The following SEPTIN7 variants were observed in gnomAD, a reference collection of about 807,000 sequenced individuals.
SEPTIN7 encodes septin 7, also known as septin-7.
SEPTIN7 carries 10 observed loss-of-function variants against 63.3 expected under a neutral mutation model. The observed-to-expected ratio is 0.16, with a 90% CI of 0.10 to 0.27. SEPTIN7 has a LOEUF of 0.27. Ranked by LOEUF, SEPTIN7 falls within the 10% of genes least tolerant of loss-of-function variation. The pLI, the probability that SEPTIN7 is intolerant of heterozygous loss-of-function variation, is 1.00. For synonymous variants in SEPTIN7, 131 were observed against 165.3 expected (o/e 0.79, Z 1.59); for missense variants, 310 against 521.0 (o/e 0.59, Z 3.94).
At chr7:35,827,103 A>T (rs1783554650) in intron 1 of SEPTIN7, among the ~76,000 whole-genome samples, 2 of 152,210 alleles carry the variant, frequency 1.3e-5, no homozygotes, top group Admixed American at 1.3e-4. Flanking sequence ...TGCTTTTAAC[A>T]TACAGATTTA....
chr7:35,832,126 T>TA (rs777293128), intron 2 of SEPTIN7: 80 of 453,962 alleles, frequency 1.8e-4, no homozygotes, highest in South Asian at 1.1e-3. Flanking sequence ...CATCTAGGAA[T>TA]AAAAAACCAA....
chr7:35,859,788 A>G (rs1385915636), intron 3 of SEPTIN7, among the ~76,000 whole-genome samples: 3 of 152,168 alleles, frequency 2.0e-5, no homozygotes, highest in East Asian at 3.8e-4. Flanking sequence ...TTTGTCTGAT[A>G]TTAGTGTGGC....
intron 4 of SEPTIN7, 76 bp from the exon 5 acceptor site, chr7:35,872,590 G>A (rs1178848540): frequency 1.3e-5 from 14 of 1,085,128 alleles, no homozygotes; most frequent in Non-Finnish European, 1.8e-5. Flanking sequence ...AAACTCGAAC[G>A]TCCCTACCAT....
chr7:35,898,248 G>A lies in SEPTIN7; in HGVS notation c.999G>A (p.Lys333=). Residue 333 remains lysine, a splice_region_variant and synonymous_variant, in exon 12 of 14, where the codon AAG becomes AAA. Transcript: ENST00000350320. ...TGATTACCCTTAATATTCGTGACAG[G>A]AGCCCTCTGGCACAAATGGAAGAAG... The part of the protein sequence containing the change: ...DNNKNKGQLT[K]SPLAQMEEER... 6.5e-7 allele frequency: 1 copy of A among 1,536,348 alleles called. No homozygotes were observed.
At chr7:35,838,210 A>G (rs1784175808) in intron 3 of SEPTIN7, among the ~76,000 whole-genome samples, 1 of 147,942 alleles carries the variant, frequency 6.8e-6, no homozygotes, top group African/African-American at 2.5e-5. Flanking sequence ...TGTGTTTTCT[A>G]TTAGCTTGAT....
At chr7:35,850,099 A>G (rs1449735362) in intron 3 of SEPTIN7, among the ~76,000 whole-genome samples, 1 of 152,244 alleles carries the variant, frequency 6.6e-6, no homozygotes, top group African/African-American at 2.4e-5. Flanking sequence ...GTATTCTTGG[A>G]AACACTTGCC....
At chr7:35,835,604 G>A (rs551269629) in intron 3 of SEPTIN7, among the ~76,000 whole-genome samples, 17 of 152,216 alleles carry the variant, frequency 1.1e-4, no homozygotes, top group African/African-American at 4.1e-4. Flanking sequence ...GTATAGTGCA[G>A]TGTTTATAAG....
Position 35,872,747 on chromosome 7 carries a change from G to C in SEPTIN7, c.358G>C (p.Ala120Pro). The change falls in exon 5 of 14, where the codon GCA (alanine) becomes CCA (proline). Residue 120 changes from alanine to proline, a missense_variant. Ala to Pro is a conservative substitution (Grantham distance 27). This residue lies in a region of SEPTIN7 where 255 missense variants were observed against 490.5 expected (regional missense o/e 0.52). Transcript: ENST00000350320. ...AGTTGATACCCCAGGATTTGGAGAT[G>C]CAGTGGATAATAGTAATTGGTAAGA... ...TIVDTPGFGD[A>P]VDNSNCWQPV... 6.2e-7 allele frequency: 1 copy of C among 1,610,138 alleles called. No homozygotes were observed. Among genetic ancestry groups the C allele is most frequent in the Non-Finnish European group, 8.5e-7 (1 of 1,176,486 alleles).
At chr7:35,891,317 T>G (rs529012531) in intron 11 of SEPTIN7, among the ~76,000 whole-genome samples, 1 of 152,332 alleles carries the variant, frequency 6.6e-6, no homozygotes, top group South Asian at 2.1e-4. Flanking sequence ...ACAGTGGGGA[T>G]ACATTTCTGA....
intron 3 of SEPTIN7, among the ~76,000 whole-genome samples, chr7:35,836,390 A>G (rs1370138474): frequency 1.3e-5 from 2 of 152,214 alleles, no homozygotes; most frequent in African/African-American, 4.8e-5. Flanking sequence ...TAAACCTATT[A>G]TTCTGAATCC....
intron 12 of SEPTIN7, chr7:35,902,218 T>C (rs1335465015): frequency 6.6e-6 from 1 of 151,872 alleles, no homozygotes; most frequent in African/African-American, 2.4e-5. Context: ...TTGTTGACTT[T>C]TTTTTTTTTC....
intron 9 of SEPTIN7, among the ~76,000 whole-genome samples, chr7:35,884,949 A>G (rs905557354): frequency 1.3e-5 from 2 of 152,102 alleles, no homozygotes; most frequent in African/African-American, 4.8e-5. Flanking sequence ...AATCTTCTGT[A>G]TTATAGTAAG....
intron 12 of SEPTIN7, 91 bp downstream of exon 12, chr7:35,898,474 T>C (rs1195440139): frequency 8.4e-6 from 7 of 831,384 alleles, no homozygotes; most frequent in Non-Finnish European, 1.3e-5. Context: ...ATAACCTTTT[T>C]ATACATATTT....
At chr7:35,850,304 A>G (rs1400054469) in intron 3 of SEPTIN7, among the ~76,000 whole-genome samples, 2 of 152,210 alleles carry the variant, frequency 1.3e-5, no homozygotes, top group Non-Finnish European at 2.9e-5. Flanking sequence ...ATCTTGATCA[A>G]GGTCATATAC....
At chr7:35,823,850 ACTTCT>A (rs900195843) in intron 1 of SEPTIN7, among the ~76,000 whole-genome samples, 22 of 150,210 alleles carry the variant, frequency 1.5e-4, no homozygotes, top group African/African-American at 4.4e-4. Context: ...AAAATCCCCT[ACTTCT>A]CTTCTCTTTT....
intron 7 of SEPTIN7, among the ~76,000 whole-genome samples, chr7:35,880,223 C>CTTTTTTTTTTTTTTTTTTTTTA: frequency 1.4e-5 from 1 of 72,776 alleles, no homozygotes. Context: ...TTTTTCTTTT[C>CTTTTTTTTTTTTTTTTTTTTTA]TTTTTTTTTT....
chr7:35,911,692 C>A (rs896620231), downstream of SEPTIN7, among the ~76,000 whole-genome samples: 6 of 152,086 alleles, frequency 3.9e-5, no homozygotes, highest in African/African-American at 1.4e-4. Context: ...TATAGTGACA[C>A]CTCAACCTCA....
At chr7:35,831,598 T>G (rs1783836924) in intron 2 of SEPTIN7, 102 bp downstream of exon 2, 1 of 326,296 alleles carries the variant, frequency 3.1e-6, no homozygotes, top group East Asian at 1.1e-4. Flanking sequence ...TTAGGTTTAA[T>G]GCATATTTCT....
At chr7:35,803,544 T>A (rs1157250974) in intron 1 of SEPTIN7, among the ~76,000 whole-genome samples, 1 of 152,232 alleles carries the variant, frequency 6.6e-6, no homozygotes, top group African/African-American at 2.4e-5. Flanking sequence ...GATATACATA[T>A]TCATTGTAGA....
Sources: gnomAD v4.1 joint callset for allele counts (sites outside exome capture counted in the v4.1 genomes callset) on GRCh38, gnomAD v4.1.1 for gene constraint, gnomAD v4.1.1 regional missense constraint, MANE v1.5 for transcripts, NCBI Gene and HGNC (gene_info 2026-07-23, HGNC 2026-07-21) for gene names.